The following DAAM2 variants were observed in gnomAD, a reference collection of about 807,000 sequenced individuals.
DAAM2 encodes disheveled-associated activator of morphogenesis 2.
A neutral mutation model predicts 120.7 loss-of-function variants in DAAM2; 39 were observed. The ratio of observed to expected loss-of-function variants is 0.32; its 90% CI spans 0.25 to 0.42. DAAM2 has a LOEUF of 0.42. Ranked by LOEUF, DAAM2 falls within the 10% of genes least tolerant of loss-of-function variation. The pLI, the probability that DAAM2 is intolerant of heterozygous loss-of-function variation, is 1.00. For synonymous variants in DAAM2, 488 were observed against 524.9 expected (o/e 0.93, Z 0.96); for missense variants, 1,283 against 1,401.7 (o/e 0.92, Z 1.35).
intron 1 of DAAM2, among the ~76,000 whole-genome samples, chr6:39,848,278 A>G (rs938734990): frequency 6.6e-6 from 1 of 152,010 alleles, no homozygotes; most frequent in Non-Finnish European, 1.5e-5. Context: ...AGGCTCATCT[A>G]AGATACCCAG....
At chr6:39,877,586 T>A (rs1469839455) in intron 11 of DAAM2, among the ~76,000 whole-genome samples, 2 of 152,148 alleles carry the variant, frequency 1.3e-5, no homozygotes, top group Non-Finnish European at 2.9e-5. Flanking sequence ...ATTCTCAGAT[T>A]TATAAAGGAA....
In DAAM2 at chr6:39,827,967, C is replaced by A. The variant is rs112553138; in HGVS notation, c.-56-28280C>A. Among the ~76,000 whole-genome samples, 1,268 of 152,258 alleles carry A rather than the reference C, an allele frequency of 8.3e-3. 10 individuals carry two copies. The highest frequency in any genetic ancestry group is 0.014 in the Non-Finnish European group (959 of 68,020). ...GTCCTTGGAGACTCAGCCCAAAAAT[C>A]ACCACACCTACAAAGTCTCTCTAAC... On this transcript the variant is annotated intron_variant, in intron 1 of 24. Coordinates refer to ENST00000274867, the MANE Select transcript of DAAM2 (RefSeq NM_001201427.2).
At chr6:39,822,330 C>CT (rs1762517775) in intron 1 of DAAM2, 1 of 152,164 alleles carries the variant, frequency 6.6e-6, no homozygotes, top group Non-Finnish European at 1.5e-5. Context: ...AAGCCTCAGC[C>CT]CCTGGCACTC....
At chr6:39,864,555 G>A (rs1040471598) in intron 4 of DAAM2, 48 bp downstream of exon 4, 1 of 1,494,638 alleles carries the variant, frequency 6.7e-7, no homozygotes, top group South Asian at 1.2e-5. Context: ...GAAAGGCTAC[G>A]GCAGGGAGTG....
intron 1 of DAAM2, among the ~76,000 whole-genome samples, chr6:39,830,092 C>G (rs913775732): frequency 6.6e-6 from 1 of 152,130 alleles, no homozygotes. Flanking sequence ...TTTTTACAAT[C>G]AGGTCTGTGT....
chr6:39,843,322 G>A (rs548382599), intron 1 of DAAM2, among the ~76,000 whole-genome samples: 3 of 152,128 alleles, frequency 2.0e-5, no homozygotes, highest in South Asian at 2.1e-4. Context: ...AGTGGGGTGC[G>A]ATGGGGAAGA....
intron 18 of DAAM2, 70 bp downstream of exon 18, chr6:39,891,517 C>T: frequency 6.6e-7 from 1 of 1,515,256 alleles, no homozygotes; most frequent in Admixed American, 1.9e-5. Context: ...GGGGCTCTGC[C>T]AAGAGGAAGG....
At chr6:39,865,136 C>T (rs1272791358) in intron 5 of DAAM2, 62 bp downstream of exon 5, 2 of 992,992 alleles carry the variant, frequency 2.0e-6, no homozygotes, top group Non-Finnish European at 3.1e-6. Flanking sequence ...TCCTTGCCTT[C>T]CCGAAGCCCT....
chr6:39,853,855 A>G (rs1763903202), intron 1 of DAAM2, among the ~76,000 whole-genome samples: 1 of 152,150 alleles, frequency 6.6e-6, no homozygotes, highest in Non-Finnish European at 1.5e-5. Flanking sequence ...GGCTGATGGA[A>G]CCAAGGGGAT....
Position 39,797,552 on chromosome 6 carries a change from C to T in DAAM2, c.-57+5087C>T, listed in dbSNP as rs537447381. Among the ~76,000 whole-genome samples the T allele has an allele frequency of 2.0e-5, 3 of 152,292 alleles. No homozygotes were observed. The East Asian group carries it at 5.8e-4, about 29-fold the overall frequency. ...TGCACATTAGAACCACTTGGGGGAGCTTGTAAAAGTATCAATGCTTGGGCC... is the reference window on the plus strand; with the variant it reads ...TGCACATTAGAACCACTTGGGGGAGTTTGTAAAAGTATCAATGCTTGGGCC... On this transcript the variant is annotated intron_variant, in intron 1 of 24. Coordinates refer to ENST00000274867, the MANE Select transcript of DAAM2 (RefSeq NM_001201427.2).
chr6:39,807,967 A>G (rs981605521), intron 1 of DAAM2, among the ~76,000 whole-genome samples: 1 of 152,056 alleles, frequency 6.6e-6, no homozygotes, highest in Admixed American at 6.6e-5. Context: ...GCTGTCTCCT[A>G]TTGGCTGTAG....
chr6:39,794,430 C>T (rs1373134124), intron 1 of DAAM2, among the ~76,000 whole-genome samples: 1 of 152,170 alleles, frequency 6.6e-6, no homozygotes, highest in Non-Finnish European at 1.5e-5. Context: ...CAGAGCTTTT[C>T]CTCCAGCGCC....
In DAAM2 at chr6:39,870,371, A is replaced by G; in HGVS notation, c.905A>G (p.Tyr302Cys). The change falls in exon 8 of 25, where the codon TAT becomes TGT. Residue 302 changes from tyrosine to cysteine, a missense_variant. Around this residue, in one of 3 missense-constraint regions of DAAM2, gnomAD observed 338 missense variants for 443.9 expected, o/e 0.76. Coordinates refer to ENST00000274867, the MANE Select transcript of DAAM2 (RefSeq NM_001201427.2). ...DNLEFRLHLR[Y>C]EFLMLGIQPV... ...CTGGAGTTCCGCCTACATCTACGGT[A>G]TGAATTCCTGATGCTGGGTATACAG... The G allele has an allele frequency of 1.9e-6, 3 of 1,583,844 alleles. No homozygotes were observed. In the South Asian group the frequency reaches 3.5e-5, roughly 18 times the overall value.
chr6:39,828,133 A>G (rs1357378934), intron 1 of DAAM2, among the ~76,000 whole-genome samples: 1 of 152,208 alleles, frequency 6.6e-6, no homozygotes, highest in African/African-American at 2.4e-5. Context: ...AGCTTCCAGA[A>G]TGCAAAGCCC....
chr6:39,834,787 C>T (rs562272852), intron 1 of DAAM2, among the ~76,000 whole-genome samples: 4 of 152,208 alleles, frequency 2.6e-5, no homozygotes, highest in African/African-American at 4.8e-5. Flanking sequence ...TCCAATGCCC[C>T]GGGAATTCTG....
At chr6:39,870,615 G>A (rs1222640882) in intron 8 of DAAM2, among the ~76,000 whole-genome samples, 172 bp downstream of exon 8, 3 of 152,176 alleles carry the variant, frequency 2.0e-5, no homozygotes, top group African/African-American at 7.2e-5. Flanking sequence ...TGTCCTCTTT[G>A]CTGACCTGCT....
chr6:39,854,412 A>C (rs1763924052), intron 1 of DAAM2, among the ~76,000 whole-genome samples: 2 of 152,146 alleles, frequency 1.3e-5, no homozygotes, highest in South Asian at 4.1e-4. Flanking sequence ...CACGATATTT[A>C]TGAGAGCCAG....
chr6:39,869,641 C>T (rs1376907284), intron 7 of DAAM2, among the ~76,000 whole-genome samples: 1 of 151,428 alleles, frequency 6.6e-6, no homozygotes, highest in Non-Finnish European at 1.5e-5. Flanking sequence ...AGCAGGTGAA[C>T]GTTCCAAATT....
intron 7 of DAAM2, 35 bp from the exon 8 acceptor site, chr6:39,870,305 G>A (rs1002078681): frequency 4.5e-6 from 6 of 1,347,502 alleles, no homozygotes; most frequent in Admixed American, 2.0e-5. Context: ...ACTGAGATCT[G>A]CCAATGAGTC....
Sources: allele counts gnomAD v4.1 joint callset (sites outside exome capture counted in the v4.1 genomes callset), GRCh38; gene constraint gnomAD v4.1.1; regional missense constraint gnomAD v4.1.1; transcripts MANE v1.5; gene names NCBI Gene and HGNC (gene_info 2026-07-23, HGNC 2026-07-21).